Variants in KCNQ1 observed in about 807,000 individuals in gnomAD.
KCNQ1 encodes the protein potassium voltage-gated channel subfamily KQT member 1.
In KCNQ1, 49 loss-of-function variants were observed where a neutral mutation model predicts 72.4. The observed-to-expected ratio is 0.68, with a 90% CI of 0.54 to 0.86. The LOEUF (loss-of-function observed/expected upper bound fraction) is 0.86. KCNQ1 is among the 40% of genes least tolerant of loss of function. KCNQ1 has a pLI of 0.00. For missense variants in KCNQ1, 790 were observed against 945.1 expected, an observed-to-expected ratio of 0.84 and a Z score of 2.15; for synonymous variants, 450 against 412.6, an observed-to-expected ratio of 1.09 and a Z score of -1.10.
chr11:2,682,601 T>A lies in KCNQ1; in HGVS notation c.1514+20520T>A. ...GGCAACCCAAGGCTGGTCTGGAGAG[T>A]GTAAGGCTTGAGAGCTCTTCTTCAG... On this transcript the variant is annotated intron_variant, in intron 11 of 15. Coordinates refer to ENST00000155840, the MANE Select transcript of KCNQ1 (RefSeq NM_000218.3). The surrounding 1 kb of genome is among the most constrained non-coding windows in gnomAD (Gnocchi z 5.8). 1 of 398,164 alleles carries A rather than the reference T, an allele frequency of 2.5e-6. No homozygotes were observed. Among genetic ancestry groups the A allele is most frequent in the Non-Finnish European group, 4.4e-6 (1 of 225,984 alleles). The allele number at this position is 398,164 out of a possible 1,614,324, so 24.7% of individuals were successfully genotyped here.
At chr11:2,521,537 G>T (rs1260113977) in intron 1 of KCNQ1, 14 of 470,744 alleles carry the variant, frequency 3.0e-5, no homozygotes, top group South Asian at 2.0e-4. Flanking sequence ...CGCTCCAGTG[G>T]TTACACGCCC....
At chr11:2,469,562 C>T (rs1417960969) in intron 1 of KCNQ1, among the ~76,000 whole-genome samples, 1 of 152,018 alleles carries the variant, frequency 6.6e-6, no homozygotes, top group African/African-American at 2.4e-5. Flanking sequence ...TGAGCTACGG[C>T]TCCCGGCCGA....
chr11:2,774,733 GCTGCTTCC>G (rs1846660375), intron 12 of KCNQ1, among the ~76,000 whole-genome samples: 2 of 152,322 alleles, frequency 1.3e-5, no homozygotes, highest in Admixed American at 1.3e-4. Flanking sequence ...CTGGGAACTT[GCTGCTTCC>G]CAGGGTAGAA....
In KCNQ1 at chr11:2,576,518, C is replaced by T. The variant is rs537986872; in HGVS notation, c.921+3532C>T. Reference sequence around the variant, plus strand: ...GGGGTCTCTACAAACAGGAGGCTGCCGGGCTGTGTTTGCCCCTCTGCACCT... The same window carrying T: ...GGGGTCTCTACAAACAGGAGGCTGCTGGGCTGTGTTTGCCCCTCTGCACCT... On this transcript the variant is annotated intron_variant, in intron 6 of 15. Coordinates refer to ENST00000155840, the MANE Select transcript of KCNQ1 (RefSeq NM_000218.3). Among the ~76,000 whole-genome samples the T allele has an allele frequency of 2.6e-3, 395 of 152,322 alleles. 1 individual carries two copies. The highest frequency in any genetic ancestry group is 8.9e-3 in the African/African-American group (368 of 41,562).
chr11:2,800,331 G>C (rs571140973), intron 15 of KCNQ1, among the ~76,000 whole-genome samples: 4 of 152,344 alleles, frequency 2.6e-5, no homozygotes, highest in African/African-American at 9.6e-5. Flanking sequence ...CTTCCTACTG[G>C]GCAGAGGCTA....
intron 11 of KCNQ1, 196 bp downstream of exon 11, chr11:2,662,277 T>A: frequency 1.6e-6 from 1 of 630,694 alleles, no homozygotes; most frequent in Non-Finnish European, 2.8e-6. Context: ...CCACTGAGCC[T>A]GGGAACATGA....
Position 2,492,749 on chromosome 11 carries a change from A to G in KCNQ1, c.387-35179A>G, listed in dbSNP as rs936158297. On this transcript the variant is annotated intron_variant, in intron 1 of 15. Coordinates refer to ENST00000155840, the MANE Select transcript of KCNQ1 (RefSeq NM_000218.3). The surrounding 1 kb of genome is among the most constrained non-coding windows in gnomAD (Gnocchi z 4.1). ...GTGCCACATTTTCTTTATCCAGCCT[A>G]TCATTGATGGGCATTTGGGTTGGTT... is the stretch of plus-strand genomic sequence containing the variant. Among the ~76,000 whole-genome samples the G allele has an allele frequency of 2.0e-5, 3 of 152,232 alleles. No homozygotes were observed. The highest frequency in any genetic ancestry group is 3.4e-3 in the Middle Eastern group (1 of 294).
At chr11:2,609,457 G>A in intron 10 of KCNQ1, 1 of 398,278 alleles carries the variant, frequency 2.5e-6, no homozygotes, top group East Asian at 3.6e-5. Context: ...CCTTCTTGGA[G>A]AATGTCTCAT....
At chr11:2,823,339 G>C (rs1590111628) in intron 15 of KCNQ1, among the ~76,000 whole-genome samples, 1 of 152,188 alleles carries the variant, frequency 6.6e-6, no homozygotes, top group Non-Finnish European at 1.5e-5. Flanking sequence ...CAAGGGTGAG[G>C]ATACAGTAAA....
At chr11:2,810,353 A>G (rs974997909) in intron 15 of KCNQ1, among the ~76,000 whole-genome samples, 7 of 152,200 alleles carry the variant, frequency 4.6e-5, no homozygotes, top group Admixed American at 6.5e-5. Flanking sequence ...ATTTCTCATC[A>G]TGGAGGCCAC....
chr11:2,569,412 G>A (rs1223539783), intron 2 of KCNQ1, among the ~76,000 whole-genome samples: 1 of 152,242 alleles, frequency 6.6e-6, no homozygotes, highest in Non-Finnish European at 1.5e-5. Flanking sequence ...GCCAGCGATG[G>A]CAGTGTCCAG....
rs1848798585 is a variant in KCNQ1, at chr11:2,601,007, A to G, written c.1393+12153A>G. On this transcript the variant is annotated intron_variant, in intron 10 of 15. Coordinates refer to ENST00000155840, the MANE Select transcript of KCNQ1 (RefSeq NM_000218.3). This position sits in a 1 kb window ranked among gnomAD's most constrained non-coding sequence, Gnocchi z 5.2. The stretch of plus-strand genomic sequence containing the variant: ...GCCGTTATCCACTTTTCTACCTTAC[A>G]GTTACTATATTTTGCCTTGCAACCA... 6.6e-6 allele frequency among the ~76,000 whole-genome samples: 1 copy of G among 151,648 alleles called. No individual in the cohort carries two copies. The highest frequency in any genetic ancestry group is 2.4e-5 in the African/African-American group (1 of 41,224).
rs915957962 is a variant in KCNQ1, at chr11:2,752,753, G to A, written c.1515-16091G>A. ...CCATCAGGGCTGCGGGTTAGCTTTCGACATAGGGACTTTGGGAAGACACAC... is the reference window on the plus strand; with the variant it reads ...CCATCAGGGCTGCGGGTTAGCTTTCAACATAGGGACTTTGGGAAGACACAC... On this transcript the variant is annotated intron_variant, in intron 11 of 15. Transcript: ENST00000155840. The surrounding 1 kb of genome is among the most constrained non-coding windows in gnomAD (Gnocchi z 5.2). Among the ~76,000 whole-genome samples, 1 of 152,160 alleles carries A rather than the reference G, an allele frequency of 6.6e-6. No homozygotes were observed. The highest frequency in any genetic ancestry group is 1.5e-5 in the Non-Finnish European group (1 of 68,040).
chr11:2,622,879 A>G, intron 10 of KCNQ1: 3 of 398,648 alleles, frequency 7.5e-6, no homozygotes, highest in Middle Eastern at 6.3e-4. Flanking sequence ...CTGCATTTAC[A>G]CATTATTATC....
intron 1 of KCNQ1, among the ~76,000 whole-genome samples, chr11:2,467,404 TGG>T (rs1846367813): frequency 1.3e-5 from 2 of 151,976 alleles, no homozygotes; most frequent in Non-Finnish European, 2.9e-5. Flanking sequence ...CAGCCAGGGA[TGG>T]TGTGGGGCCC....
chr11:2,709,973 A>G (rs1219939895), intron 11 of KCNQ1, among the ~76,000 whole-genome samples: 2 of 152,228 alleles, frequency 1.3e-5, no homozygotes, highest in African/African-American at 2.4e-5. Flanking sequence ...TATTGTGGAC[A>G]TAGATTTTCA....
chr11:2,802,604 A>G (rs163169), intron 15 of KCNQ1, among the ~76,000 whole-genome samples: 131,573 of 152,204 alleles, frequency 0.86, 57,011 homozygotes, highest in East Asian at 1. Context: ...CTGGGTCCCC[A>G]GGGTATAGGG....
chr11:2,836,940 A>G (rs1848077440), intron 15 of KCNQ1, among the ~76,000 whole-genome samples: 1 of 152,210 alleles, frequency 6.6e-6, no homozygotes, highest in African/African-American at 2.4e-5. Flanking sequence ...TACTTATACC[A>G]TGAAAAACCC....
chr11:2,787,919 A>G lies in KCNQ1; in HGVS notation c.1794+9882A>G, dbSNP rs1846942823. On this transcript the variant is annotated intron_variant, in intron 15 of 15. Coordinates refer to ENST00000155840, the MANE Select transcript of KCNQ1 (RefSeq NM_000218.3). The surrounding 1 kb of genome is among the most constrained non-coding windows in gnomAD (Gnocchi z 6.3). ...AAAATTCCATTCCTGGATCTCAGTCACCACTTTTTTAAGTGCTGTGCCACA... is the reference window on the plus strand; with the variant it reads ...AAAATTCCATTCCTGGATCTCAGTCGCCACTTTTTTAAGTGCTGTGCCACA... 1.3e-5 allele frequency among the ~76,000 whole-genome samples: 2 copies of G among 152,180 alleles called. No homozygotes were observed. Among genetic ancestry groups the G allele is most frequent in the Non-Finnish European group, 2.9e-5 (2 of 68,000 alleles).
Sources: gnomAD v4.1 joint callset for allele counts (sites outside exome capture counted in the v4.1 genomes callset) on GRCh38, gnomAD v4.1.1 for gene constraint, Gnocchi (gnomAD v3.1) non-coding constraint, MANE v1.5 for transcripts, NCBI Gene and HGNC (gene_info 2026-07-23, HGNC 2026-07-21) for gene names.